The following RPS6KB1 variants were observed in gnomAD, a reference collection of about 807,000 sequenced individuals.
RPS6KB1 encodes ribosomal protein S6 kinase B1, also known as ribosomal protein S6 kinase beta-1.
In RPS6KB1, 12 loss-of-function variants were observed where a neutral mutation model predicts 70.2. The observed-to-expected ratio is 0.17, with a 90% CI of 0.11 to 0.28. RPS6KB1 has a LOEUF of 0.28. Among genes scored for constraint, RPS6KB1 ranks in the 10% least tolerant of loss-of-function variants. The pLI, the probability that RPS6KB1 is intolerant of heterozygous loss-of-function variation, is 1.00. For synonymous variants in RPS6KB1, 175 were observed against 211.2 expected, an observed-to-expected ratio of 0.83 and a Z score of 1.49; for missense variants, 270 against 646.6, an observed-to-expected ratio of 0.42 and a Z score of 6.32.
intron 13 of RPS6KB1, 111 bp from the exon 14 acceptor site, chr17:59,945,295 T>C (rs2044857852): frequency 1.6e-6 from 1 of 620,778 alleles, no homozygotes; most frequent in East Asian, 2.8e-5. Context: ...AGTGTACACA[T>C]TGGTGGTTTT....
chr17:59,949,974 A>G lies in RPS6KB1; in HGVS notation c.*3186A>G, dbSNP rs2045127215. The G allele has an allele frequency of 6.6e-6, 1 of 152,558 alleles. No homozygotes were observed. The highest frequency in any genetic ancestry group is 1.5e-5 in the Non-Finnish European group (1 of 67,956). The allele number at this position is 152,558 out of a possible 1,614,324, so 9.5% of individuals were successfully genotyped here. On this transcript the variant is annotated 3_prime_UTR_variant, in exon 15 of 15. Transcript: ENST00000225577. Reference sequence around the variant, plus strand: ...ATGAGAAATGTTGAATTTATGAAGAATAGATTTTAAGGCTTTGAAAATGGT... The same window carrying G: ...ATGAGAAATGTTGAATTTATGAAGAGTAGATTTTAAGGCTTTGAAAATGGT...
At chr17:59,933,916 G>A (rs1296764900) in intron 7 of RPS6KB1, among the ~76,000 whole-genome samples, 1 of 152,060 alleles carries the variant, frequency 6.6e-6, no homozygotes, top group African/African-American at 2.4e-5. Flanking sequence ...CCTTAAACAG[G>A]TTATTTCACT....
chr17:59,942,334 G>A (rs1255316000), intron 13 of RPS6KB1, among the ~76,000 whole-genome samples: 1 of 152,210 alleles, frequency 6.6e-6, no homozygotes, highest in East Asian at 1.9e-4. Flanking sequence ...TTGTAGAAAT[G>A]TCTGTATAGA....
At chr17:59,908,682 G>C (rs1465989306) in intron 1 of RPS6KB1, among the ~76,000 whole-genome samples, 5 of 136,264 alleles carry the variant, frequency 3.7e-5, no homozygotes, top group South Asian at 2.4e-4. Context: ...GCAGTGGCGC[G>C]ATCTCGGCTC....
intron 4 of RPS6KB1, among the ~76,000 whole-genome samples, chr17:59,917,865 T>TC (rs2043047056): frequency 1.3e-5 from 2 of 152,240 alleles, no homozygotes; most frequent in Admixed American, 1.3e-4. Flanking sequence ...ATGTTGGATC[T>TC]CCTGGACCGA....
chr17:59,921,224 G>T (rs928491294), intron 4 of RPS6KB1, among the ~76,000 whole-genome samples: 1 of 151,988 alleles, frequency 6.6e-6, no homozygotes, highest in African/African-American at 2.4e-5. Context: ...CCTCATTCTG[G>T]GGCCCAGGGA....
At position 59,938,401 on chromosome 17, in the gene RPS6KB1, A is replaced by AT. The variant is rs1055953116; in HGVS notation, c.1119+1870dup. On this transcript the variant is annotated intron_variant, in intron 12 of 14. Transcript: ENST00000225577. The stretch of plus-strand genomic sequence containing the variant: ...TTTTTTTTGTTGTTGTTGTTTTTCC[A>AT]TTTTTTTTTTCTCCTGTTTGTAAGG... 4.6e-3 allele frequency among the ~76,000 whole-genome samples: 641 copies of AT among 139,390 alleles called. 6 individuals are homozygous for AT. The highest frequency in any genetic ancestry group is 0.015 in the African/African-American group (575 of 38,176). 91.4% of individuals were successfully genotyped at this position (139,390 alleles called of 152,430 possible).
chr17:59,940,781 G>C (rs72840315), intron 12 of RPS6KB1, 55 bp from the exon 13 acceptor site: 221,713 of 1,090,306 alleles, frequency 0.2, 24,592 homozygotes, highest in East Asian at 0.42. Context: ...CAGTGCATTT[G>C]ATTGATGTAA....
At chr17:59,902,817 A>G (rs532946438) in intron 1 of RPS6KB1, among the ~76,000 whole-genome samples, 7 of 152,122 alleles carry the variant, frequency 4.6e-5, no homozygotes, top group East Asian at 2.0e-4. Flanking sequence ...GCCTCAAGCA[A>G]TTCTTCTGCC....
chr17:59,917,017 T>C (rs1439995440), intron 4 of RPS6KB1, among the ~76,000 whole-genome samples: 1 of 152,232 alleles, frequency 6.6e-6, no homozygotes, highest in Non-Finnish European at 1.5e-5. Flanking sequence ...CCCAGTCGTT[T>C]ACACATGGCC....
chr17:59,941,902 A>T (rs1224300759), intron 13 of RPS6KB1, among the ~76,000 whole-genome samples: 1 of 142,042 alleles, frequency 7.0e-6, no homozygotes, highest in Non-Finnish European at 1.5e-5. Context: ...TCTGTCGCCC[A>T]GGTTGGAGTG....
At chr17:59,944,801 T>TAA (rs1377439575) in intron 13 of RPS6KB1, among the ~76,000 whole-genome samples, 1 of 151,394 alleles carries the variant, frequency 6.6e-6, no homozygotes, top group Admixed American at 6.6e-5. Flanking sequence ...CTTTTTTTTT[T>TAA]TTTTTTTTAA....
chr17:59,900,731 T>C (rs1188011177), intron 1 of RPS6KB1, among the ~76,000 whole-genome samples: 1 of 152,196 alleles, frequency 6.6e-6, no homozygotes, highest in Non-Finnish European at 1.5e-5. Flanking sequence ...ATTAGATTGA[T>C]TTTAAAGCTA....
At chr17:59,943,398 A>C (rs535373474) in intron 13 of RPS6KB1, among the ~76,000 whole-genome samples, 3 of 152,310 alleles carry the variant, frequency 2.0e-5, no homozygotes, top group Admixed American at 2.0e-4. Context: ...ACAAAATAGA[A>C]GCATTTTATT....
chr17:59,909,642 C>T (rs983861338), intron 1 of RPS6KB1, among the ~76,000 whole-genome samples: 3 of 150,664 alleles, frequency 2.0e-5, no homozygotes, highest in Non-Finnish European at 4.4e-5. Flanking sequence ...TTTGAGAAGC[C>T]GAGGAGGGCG....
At chr17:59,902,180 C>CTG (rs1420113803) in intron 1 of RPS6KB1, among the ~76,000 whole-genome samples, 2 of 139,048 alleles carry the variant, frequency 1.4e-5, no homozygotes, top group Admixed American at 7.7e-5. Flanking sequence ...TCTCTGCTCA[C>CTG]TGCAACCTCT....
At chr17:59,904,437 A>T (rs1158064163) in intron 1 of RPS6KB1, among the ~76,000 whole-genome samples, 1 of 151,250 alleles carries the variant, frequency 6.6e-6, no homozygotes, top group Non-Finnish European at 1.5e-5. Flanking sequence ...TCTATTGCCC[A>T]GGCTGGAGTG....
In RPS6KB1 at chr17:59,910,594, A is replaced by T; in HGVS notation, c.174A>T (p.Gly58=). The T allele has an allele frequency of 1.3e-6, 2 of 1,591,454 alleles. No homozygotes were observed. Among genetic ancestry groups the T allele is most frequent in the South Asian group, 2.3e-5 (2 of 87,004 alleles). The change falls in exon 2 of 15, where the codon GGA becomes GGT. Residue 58 remains glycine (G), a synonymous_variant. Coordinates refer to ENST00000225577, the MANE Select transcript of RPS6KB1 (RefSeq NM_003161.4). Reference sequence around the variant, plus strand: ...TAAATGAAAGCATGGACCATGGGGGAGTTGGACCATATGAACTGTAAGTTT... The same window carrying T: ...TAAATGAAAGCATGGACCATGGGGGTGTTGGACCATATGAACTGTAAGTTT... The part of the protein sequence containing the change: ...GQLNESMDHG[G]VGPYELGMEH...
chr17:59,901,718 C>T (rs543601392), intron 1 of RPS6KB1, among the ~76,000 whole-genome samples: 38 of 151,318 alleles, frequency 2.5e-4, no homozygotes, highest in African/African-American at 8.5e-4. Context: ...AGGCAACTAA[C>T]CTATTTCTCA....
Sources: allele counts gnomAD v4.1 joint callset (sites outside exome capture counted in the v4.1 genomes callset), GRCh38; gene constraint gnomAD v4.1.1; transcripts MANE v1.5; gene names NCBI Gene and HGNC (gene_info 2026-07-23, HGNC 2026-07-21).